Variants in ANO3 observed in about 807,000 individuals in gnomAD.
ANO3 encodes anoctamin 3.
In ANO3, 99 loss-of-function variants were observed where a neutral mutation model predicts 144.8. The observed-to-expected ratio is 0.68, with a 90% confidence interval of 0.58 to 0.81. The LOEUF is 0.81. Among genes scored for constraint, ANO3 ranks in the 30% least tolerant of loss-of-function variants. ANO3 has a pLI of 0.00. For missense variants in ANO3, 905 were observed against 1,202.2 expected (o/e 0.75, Z 3.66); for synonymous variants, 414 against 392.6 (o/e 1.05, Z -0.64).
At position 26,234,466 on chromosome 11, in the gene ANO3, A is replaced by G. The variant is rs144483081; in HGVS notation, c.154+45136A>G. ...AAATACACTAGCAAGGCCACTAACC[A>G]AGAGCTAATGGAAAAGAAAATCTTA... On this transcript the variant is annotated intron_variant, in intron 1 of 27. Coordinates refer to the ANO3 transcript ENST00000672621. Among the ~76,000 whole-genome samples the G allele has an allele frequency of 9.8e-5, 15 of 152,348 alleles. No individual in the cohort carries two copies. In the East Asian group the frequency reaches 2.9e-3, roughly 29 times the overall value.
At chr11:26,530,676 T>C (rs189491319) in intron 7 of ANO3, among the ~76,000 whole-genome samples, 337 of 151,314 alleles carry the variant, frequency 2.2e-3, no homozygotes, top group African/African-American at 7.9e-3. Flanking sequence ...CTGGCCAACA[T>C]GGTGAAGCCT....
intron 11 of ANO3, 64 bp downstream of exon 11, chr11:26,542,132 G>T: frequency 6.5e-7 from 1 of 1,537,826 alleles, no homozygotes. Context: ...TCTTAGACTT[G>T]GAATTATTTA....
intron 10 of ANO3, among the ~76,000 whole-genome samples, chr11:26,540,509 T>C (rs769539103): frequency 2.0e-4 from 31 of 151,826 alleles, no homozygotes; most frequent in Non-Finnish European, 4.1e-4. Context: ...ATCATCAGAG[T>C]GAACAGGAAA....
chr11:26,398,341 C>T (rs184497427), intron 1 of ANO3, among the ~76,000 whole-genome samples: 1 of 152,096 alleles, frequency 6.6e-6, no homozygotes, highest in East Asian at 1.9e-4. Context: ...TACAAATTTT[C>T]AAAAGGCTCC....
At chr11:26,565,194 A>G (rs770406943) in intron 14 of ANO3, 52 of 1,506,032 alleles carry the variant, frequency 3.5e-5, no homozygotes, top group Middle Eastern at 3.6e-4. Flanking sequence ...ATTTGGAAAG[A>G]GTTTTGAATT....
At chr11:26,498,212 A>T (rs1237399659) in intron 4 of ANO3, among the ~76,000 whole-genome samples, 5 of 152,018 alleles carry the variant, frequency 3.3e-5, no homozygotes, top group Non-Finnish European at 5.9e-5. Context: ...ACTGTAATTG[A>T]CTGAAGAGAA....
chr11:26,364,222 T>C lies in ANO3; in HGVS notation c.46+31901T>C, dbSNP rs556157296. On this transcript the variant is annotated intron_variant, in intron 1 of 26. Coordinates refer to ENST00000256737, the MANE Select transcript of ANO3 (RefSeq NM_031418.4). ...TTTTTAGTTCCATATAGAATGGGCC[T>C]GTTGACAAATTTAGCCCCATCTCTG... Among the ~76,000 whole-genome samples the C allele has an allele frequency of 2.6e-5, 4 of 152,280 alleles. No individual in the cohort carries two copies. The East Asian group carries it at 7.7e-4, about 30-fold the overall frequency.
At chr11:26,568,581 C>T (rs1389271664) in intron 14 of ANO3, among the ~76,000 whole-genome samples, 1 of 151,828 alleles carries the variant, frequency 6.6e-6, no homozygotes, top group Non-Finnish European at 1.5e-5. Context: ...CTTCAAAGGA[C>T]CCATTAAATA....
At chr11:26,461,187 A>G (rs1034701987) in intron 3 of ANO3, among the ~76,000 whole-genome samples, 1 of 152,132 alleles carries the variant, frequency 6.6e-6, no homozygotes, top group Non-Finnish European at 1.5e-5. Context: ...AGGAAATAAA[A>G]ACACAAAACA....
chr11:26,657,442 G>A (rs973901106), intron 26 of ANO3, among the ~76,000 whole-genome samples: 1 of 151,974 alleles, frequency 6.6e-6, no homozygotes, highest in Non-Finnish European at 1.5e-5. Context: ...AAAAACTTCT[G>A]TTGTGTTTTT....
chr11:26,223,563 A>G (rs768022676), intron 1 of ANO3, among the ~76,000 whole-genome samples: 5 of 150,620 alleles, frequency 3.3e-5, no homozygotes, highest in Non-Finnish European at 7.4e-5. Flanking sequence ...CTCACTCCAC[A>G]GTACCAATTT....
At chr11:26,371,727 AT>A (rs1405300191) in intron 1 of ANO3, among the ~76,000 whole-genome samples, 2 of 152,194 alleles carry the variant, frequency 1.3e-5, no homozygotes, top group Admixed American at 6.5e-5. Flanking sequence ...GAACTTTAAG[AT>A]TTAATGACTG....
chr11:26,336,728 A>G (rs1267630773), intron 1 of ANO3, among the ~76,000 whole-genome samples: 1 of 139,648 alleles, frequency 7.2e-6, no homozygotes, highest in Non-Finnish European at 1.6e-5. Context: ...CTATACCCTT[A>G]TCTTAGAGAA....
chr11:26,393,242 A>G (rs1009042721), intron 1 of ANO3, among the ~76,000 whole-genome samples: 4 of 151,946 alleles, frequency 2.6e-5, no homozygotes, highest in African/African-American at 9.7e-5. Context: ...TACTCCTTAT[A>G]CCCTATACAG....
intron 1 of ANO3, among the ~76,000 whole-genome samples, chr11:26,258,539 G>A (rs945979701): frequency 2.0e-5 from 3 of 152,118 alleles, no homozygotes; most frequent in Non-Finnish European, 4.4e-5. Flanking sequence ...GTCTTGAAGT[G>A]CCTCATAGTT....
At chr11:26,395,400 T>TC (rs747746285) in intron 1 of ANO3, among the ~76,000 whole-genome samples, 3 of 152,160 alleles carry the variant, frequency 2.0e-5, no homozygotes, top group Non-Finnish European at 2.9e-5. Context: ...TGATTCTTCC[T>TC]CTCCTTGAGC....
At chr11:26,298,660 T>C (rs1854148077) in intron 1 of ANO3, among the ~76,000 whole-genome samples, 1 of 152,214 alleles carries the variant, frequency 6.6e-6, no homozygotes, top group Admixed American at 6.5e-5. Flanking sequence ...TGTCTACTCG[T>C]TTCCAAACCT....
At chr11:26,388,864 C>A (rs1338269452) in intron 1 of ANO3, among the ~76,000 whole-genome samples, 1 of 151,944 alleles carries the variant, frequency 6.6e-6, no homozygotes, top group African/African-American at 2.4e-5. Context: ...ATACACACAC[C>A]CTAAATCCCT....
At chr11:26,434,298 G>GT (rs1278193631) in intron 1 of ANO3, among the ~76,000 whole-genome samples, 1 of 151,878 alleles carries the variant, frequency 6.6e-6, no homozygotes, top group Non-Finnish European at 1.5e-5. Flanking sequence ...TTCTGATTGT[G>GT]TTTACATGAA....
Sources: allele counts gnomAD v4.1 joint callset (sites outside exome capture counted in the v4.1 genomes callset), GRCh38; gene constraint gnomAD v4.1.1; transcripts MANE v1.5; gene names NCBI Gene and HGNC (gene_info 2026-07-23, HGNC 2026-07-21).